The following KRT35 variants were observed in gnomAD, a reference collection of about 807,000 sequenced individuals.
The protein encoded by KRT35 is keratin, type I cuticular Ha5.
A neutral mutation model predicts 42.2 loss-of-function variants in KRT35; 33 were observed. The ratio of observed to expected loss-of-function variants is 0.78; its 90% CI spans 0.59 to 1.05. The LOEUF (loss-of-function observed/expected upper bound fraction) is 1.05. Ranked by LOEUF, KRT35 falls within the 50% of genes least tolerant of loss-of-function variation. The pLI, the probability that KRT35 is intolerant of heterozygous loss-of-function variation, is 0.00. For synonymous variants in KRT35, 218 were observed against 238.2 expected, an observed-to-expected ratio of 0.92 and a Z score of 0.78; for missense variants, 585 against 589.2, an observed-to-expected ratio of 0.99 and a Z score of 0.07.
chr17:41,480,038 A>C (rs1486751745), intron 1 of KRT35, among the ~76,000 whole-genome samples: 1 of 152,226 alleles, frequency 6.6e-6, no homozygotes, highest in Non-Finnish European at 1.5e-5. Context: ...AAGGCCTGGC[A>C]TGATGAAATG....
chr17:41,477,573 G>C lies in KRT35; in HGVS notation c.1165C>G (p.Arg389Gly). ...TACGTGTTGATCTCACACTCCAGCC[G>C]GGCCCGGACGTCCAGCAGCACCTGG... ...EYQVLLDVRARLECEINTYRG... is the reference protein window; with the variant it reads ...EYQVLLDVRAGLECEINTYRG... The change falls in exon 6 of 7, where the codon CGG (arginine) becomes GGG (glycine). Residue 389 changes from arginine to glycine, a missense_variant. By Grantham distance (125) the Arg-to-Gly change is moderately radical. Coordinates refer to ENST00000246639, the MANE Select transcript of KRT35 (RefSeq NM_002280.6). The C allele has an allele frequency of 6.2e-7, 1 of 1,613,516 alleles. No homozygotes were observed.
intron 3 of KRT35, 110 bp downstream of exon 3, chr17:41,479,237 T>G (rs1385462657): frequency 3.7e-5 from 47 of 1,256,884 alleles, no homozygotes; most frequent in Non-Finnish European, 5.0e-5. Flanking sequence ...CTCCCTCATG[T>G]TCACCTCCCC....
In KRT35 at chr17:41,478,797, C is replaced by T. The variant is rs573238873; in HGVS notation, c.873+37G>A. On this transcript the variant is annotated intron_variant, in intron 4 of 6. Coordinates refer to ENST00000246639, the MANE Select transcript of KRT35 (RefSeq NM_002280.6). ...AGGGTCACTTCCATGTGAGCCACCA[C>T]ATACCCCTGTTGCACTGACTGTTTC... 5 of 1,587,248 alleles carry T rather than the reference C, an allele frequency of 3.2e-6. No homozygotes were observed. The African/African-American group carries it at 5.4e-5, about 17-fold the overall frequency.
chr17:41,478,686 T>C, intron 4 of KRT35, 148 bp downstream of exon 4: 1 of 1,044,696 alleles, frequency 9.6e-7, no homozygotes, highest in East Asian at 2.4e-5. Flanking sequence ...GTCAGCAAGG[T>C]CAATTGAAGT....
intron 3 of KRT35, 95 bp downstream of exon 3, chr17:41,479,252 G>A: frequency 7.9e-7 from 1 of 1,265,056 alleles, no homozygotes; most frequent in South Asian, 1.4e-5. Flanking sequence ...CTCCCCCTAT[G>A]CTCACCTCAT....
In KRT35 at chr17:41,480,387, A is replaced by G. The variant is rs181664778; in HGVS notation, c.471+240T>C. Reference sequence around the variant, plus strand: ...GTCACAGAGTTCATTCATAGACCTGATGTTCAAGCTCTGGCTCCAGTAACT... The same window carrying G: ...GTCACAGAGTTCATTCATAGACCTGGTGTTCAAGCTCTGGCTCCAGTAACT... On this transcript the variant is annotated intron_variant, in intron 1 of 6. Transcript: ENST00000246639. Among the ~76,000 whole-genome samples, 452 of 151,918 alleles carry G rather than the reference A, an allele frequency of 3.0e-3. 1 individual carries two copies. The highest frequency in any genetic ancestry group is 5.2e-3 in the Non-Finnish European group (353 of 67,974).
chr17:41,479,005 A>C lies in KRT35; in HGVS notation c.712-10T>G, dbSNP rs1244181693. The C allele has an allele frequency of 1.2e-6, 2 of 1,607,696 alleles. No homozygotes were observed. Among genetic ancestry groups the C allele is most frequent in the East Asian group, 4.5e-5 (2 of 44,822 alleles). ...GCAGTGAGTTCACTTCCTATAGCAC[A>C]GACCAGGATGAGTACTAATTCCCAG... On this transcript the variant is annotated splice_polypyrimidine_tract_variant and intron_variant, in intron 3 of 6. Coordinates refer to ENST00000246639, the MANE Select transcript of KRT35 (RefSeq NM_002280.6).
intron 1 of KRT35, among the ~76,000 whole-genome samples, chr17:41,480,256 G>C (rs1197718490): frequency 1.3e-5 from 2 of 152,198 alleles, no homozygotes; most frequent in Non-Finnish European, 2.9e-5. Flanking sequence ...CTTATGGGAA[G>C]CCTGAACTGC....
chr17:41,478,540 A>G, intron 4 of KRT35, 54 bp from the exon 5 acceptor site: 2 of 1,588,284 alleles, frequency 1.3e-6, no homozygotes, highest in Non-Finnish European at 1.7e-6. Flanking sequence ...TTGGCTTCAG[A>G]GAGCTACAGA....
chr17:41,480,207 A>G (rs2019233939), intron 1 of KRT35, among the ~76,000 whole-genome samples: 1 of 152,212 alleles, frequency 6.6e-6, no homozygotes, highest in Admixed American at 6.5e-5. Context: ...CCTTGGCAAG[A>G]AAGAAACTTC....
Sources: gnomAD v4.1 joint callset for allele counts (sites outside exome capture counted in the v4.1 genomes callset) on GRCh38, gnomAD v4.1.1 for gene constraint, MANE v1.5 for transcripts, NCBI Gene and HGNC (gene_info 2026-07-23, HGNC 2026-07-21) for gene names.